HDAC9: variants seen among roughly 807,000 people sequenced by gnomAD.
The protein encoded by HDAC9 is histone deacetylase 9.
A neutral mutation model predicts 139.4 loss-of-function variants in HDAC9; 41 were observed. The ratio of observed to expected loss-of-function variants is 0.29; its 90% CI spans 0.23 to 0.38. HDAC9 has a LOEUF of 0.38. Ranked by LOEUF, HDAC9 falls within the 10% of genes least tolerant of loss-of-function variation. The pLI is 1.00. For missense variants in HDAC9, 1,147 were observed against 1,297.0 expected, an observed-to-expected ratio of 0.88 and a Z score of 1.78; for synonymous variants, 517 against 476.2, an observed-to-expected ratio of 1.09 and a Z score of -1.12.
At chr7:18,687,450 A>G (rs1401644454) in intron 12 of HDAC9, among the ~76,000 whole-genome samples, 1 of 151,930 alleles carries the variant, frequency 6.6e-6, no homozygotes, top group African/African-American at 2.4e-5. Flanking sequence ...TGATACTATC[A>G]TAGAACCCTC....
chr7:18,797,577 C>A (rs189114753), intron 17 of HDAC9, among the ~76,000 whole-genome samples: 128 of 152,134 alleles, frequency 8.4e-4, no homozygotes, highest in African/African-American at 2.9e-3. Flanking sequence ...CCTGTAATCC[C>A]AGCACTTTGG....
At chr7:18,837,443 G>A (rs1796311873) in intron 21 of HDAC9, among the ~76,000 whole-genome samples, 1 of 151,946 alleles carries the variant, frequency 6.6e-6, no homozygotes, top group Admixed American at 6.6e-5. Context: ...AACTTTAACA[G>A]GATAATAGAC....
At position 18,996,479 on chromosome 7, in the gene HDAC9, T is replaced by C. The variant is rs1361398126; in HGVS notation, c.*417T>C. 2 of 160,930 alleles carry C rather than the reference T, an allele frequency of 1.2e-5. No homozygotes were observed. Among genetic ancestry groups the C allele is most frequent in the African/African-American group, 2.4e-5 (1 of 41,616 alleles). The allele number at this position is 160,930 out of a possible 1,614,324, so 10.0% of individuals were successfully genotyped here. A position where few individuals can be genotyped will look rare whatever the true frequency, so the allele number is the denominator to read the frequency against. ...TTCCTGACATTCTGATCAGCTTTTTTTGGGGTAATTTGTTTTTCAAACAGT... is the reference window on the plus strand; with the variant it reads ...TTCCTGACATTCTGATCAGCTTTTTCTGGGGTAATTTGTTTTTCAAACAGT... On this transcript the variant is annotated 3_prime_UTR_variant, in exon 26 of 26. Coordinates refer to ENST00000686413, the MANE Select transcript of HDAC9 (RefSeq NM_178425.4).
chr7:18,899,268 C>T (rs943802279), intron 22 of HDAC9: 1 of 151,892 alleles, frequency 6.6e-6, no homozygotes, highest in African/African-American at 2.4e-5. Context: ...AAGTGAGCTC[C>T]TATGTGGTAA....
rs974667171 is a variant in HDAC9, at chr7:18,999,700, A to C, written c.*3638A>C. 1 of 152,184 alleles carries C rather than the reference A, an allele frequency of 6.6e-6. No homozygotes were observed. Among genetic ancestry groups the C allele is most frequent in the African/African-American group, 2.4e-5 (1 of 41,422 alleles). The allele number at this position is 152,184 out of a possible 1,614,324, so 9.4% of individuals were successfully genotyped here. A position where few individuals can be genotyped will look rare whatever the true frequency, so the allele number is the denominator to read the frequency against. On this transcript the variant is annotated 3_prime_UTR_variant, in exon 26 of 26. Coordinates refer to ENST00000686413, the MANE Select transcript of HDAC9 (RefSeq NM_178425.4). ...GTGATCCGCCCGCCTCGGCCTCCCA[A>C]AGTGCTGAAATTACAGGTGTGAGCC...
At chr7:18,535,722 C>CAAAAAAAAAAA (rs72123660) in intron 2 of HDAC9, among the ~76,000 whole-genome samples, 1 of 49,246 alleles carries the variant, frequency 2.0e-5, no homozygotes, top group Admixed American at 3.1e-4. Flanking sequence ...AGGCATTAAG[C>CAAAAAAAAAAA]AAAAAAAAAA....
At chr7:18,608,172 G>T (rs969154317) in intron 6 of HDAC9, among the ~76,000 whole-genome samples, 2 of 152,044 alleles carry the variant, frequency 1.3e-5, no homozygotes, top group Non-Finnish European at 2.9e-5. Flanking sequence ...AGTAAATTAA[G>T]AGATAGAAAA....
intron 6 of HDAC9, among the ~76,000 whole-genome samples, chr7:18,601,416 A>C (rs1833904198): frequency 6.6e-6 from 1 of 151,978 alleles, no homozygotes; most frequent in Admixed American, 6.6e-5. Context: ...ATTTGTGGAC[A>C]AAAACGTTAC....
chr7:18,959,252 C>T (rs1405955149), intron 24 of HDAC9, among the ~76,000 whole-genome samples: 1 of 152,112 alleles, frequency 6.6e-6, no homozygotes, highest in Non-Finnish European at 1.5e-5. Context: ...GTTTGAAAGA[C>T]TATCACTTTA....
At chr7:18,967,385 T>TGATA (rs1296668926) in intron 24 of HDAC9, among the ~76,000 whole-genome samples, 3 of 152,080 alleles carry the variant, frequency 2.0e-5, no homozygotes, top group Non-Finnish European at 2.9e-5. Context: ...TTCTTGCTAA[T>TGATA]GATACAGTGT....
intron 6 of HDAC9, among the ~76,000 whole-genome samples, chr7:18,624,007 C>A (rs1441193610): frequency 2.0e-5 from 3 of 152,132 alleles, no homozygotes; most frequent in Admixed American, 2.0e-4. Context: ...TGTGCTTCTA[C>A]ACAAGATAGT....
At chr7:18,889,961 A>C (rs1289443348) in intron 22 of HDAC9, among the ~76,000 whole-genome samples, 1 of 152,240 alleles carries the variant, frequency 6.6e-6, no homozygotes, top group Admixed American at 6.5e-5. Context: ...TAGCCTTCCA[A>C]AGTGTTGGGA....
chr7:18,368,300 C>T (rs541303813), intron 1 of HDAC9, among the ~76,000 whole-genome samples: 1 of 151,994 alleles, frequency 6.6e-6, no homozygotes, highest in Non-Finnish European at 1.5e-5. Flanking sequence ...ACCTTTTAAT[C>T]CATCTGGGAT....
At chr7:18,725,552 C>A (rs1205514165) in intron 12 of HDAC9, among the ~76,000 whole-genome samples, 1 of 152,060 alleles carries the variant, frequency 6.6e-6, no homozygotes, top group East Asian at 1.9e-4. Flanking sequence ...AGGAATAGGA[C>A]TGGTTGGTAT....
At chr7:18,719,943 A>G (rs1376468496) in intron 12 of HDAC9, among the ~76,000 whole-genome samples, 1 of 152,198 alleles carries the variant, frequency 6.6e-6, no homozygotes, top group African/African-American at 2.4e-5. Context: ...TTGAAAATCA[A>G]TTCATCGTAA....
intron 2 of HDAC9, among the ~76,000 whole-genome samples, chr7:18,175,171 C>T (rs1205468846): frequency 4.6e-5 from 7 of 152,208 alleles, no homozygotes; most frequent in Admixed American, 4.6e-4. Flanking sequence ...TGGCGGACAC[C>T]CCTCCCCCCT....
At chr7:18,256,671 T>C (rs1795264982) in intron 2 of HDAC9, among the ~76,000 whole-genome samples, 1 of 152,222 alleles carries the variant, frequency 6.6e-6, no homozygotes, top group African/African-American at 2.4e-5. Context: ...CAACAGATAA[T>C]GGTGGAATGT....
intron 1 of HDAC9, among the ~76,000 whole-genome samples, chr7:18,450,967 A>T (rs1388515363): frequency 1.3e-5 from 2 of 152,230 alleles, no homozygotes; most frequent in Non-Finnish European, 2.9e-5. Context: ...ATATGTTCAC[A>T]TATAGGTTAT....
intron 1 of HDAC9, among the ~76,000 whole-genome samples, chr7:18,142,923 C>G (rs968694235): frequency 6.6e-6 from 1 of 152,220 alleles, no homozygotes; most frequent in African/African-American, 2.4e-5. Context: ...TTATAACCTT[C>G]CGTTGTAACA....
Sources: allele counts gnomAD v4.1 joint callset (sites outside exome capture counted in the v4.1 genomes callset), GRCh38; gene constraint gnomAD v4.1.1; transcripts MANE v1.5; gene names NCBI Gene and HGNC (gene_info 2026-07-23, HGNC 2026-07-21).